GRID1: variants seen among roughly 807,000 people sequenced by gnomAD.
GRID1 encodes the protein glutamate ionotropic receptor delta type subunit 1.
A neutral mutation model predicts 98.0 loss-of-function variants in GRID1; 28 were observed. The observed-to-expected ratio is 0.29, with a 90% CI of 0.21 to 0.39. The LOEUF is 0.39. Among genes scored for constraint, GRID1 ranks in the 10% least tolerant of loss-of-function variants. GRID1 has a pLI of 1.00. For synonymous variants in GRID1, 553 were observed against 538.5 expected (o/e 1.03, Z -0.37); for missense variants, 1,111 against 1,340.5 (o/e 0.83, Z 2.67).
intron 2 of GRID1, among the ~76,000 whole-genome samples, chr10:86,322,994 C>T (rs1847992491): frequency 6.6e-6 from 1 of 151,612 alleles, no homozygotes; most frequent in African/African-American, 2.4e-5. Context: ...CCTTGGGATG[C>T]CGAGGCAGGA....
At chr10:85,856,849 A>G (rs1435241043) in intron 6 of GRID1, among the ~76,000 whole-genome samples, 1 of 152,244 alleles carries the variant, frequency 6.6e-6, no homozygotes, top group Non-Finnish European at 1.5e-5. Context: ...AAGCAGTTCA[A>G]GACGACTGTG....
intron 14 of GRID1, among the ~76,000 whole-genome samples, chr10:85,618,120 G>A (rs567044110): frequency 1.3e-5 from 2 of 152,306 alleles, no homozygotes; most frequent in East Asian, 1.9e-4. Flanking sequence ...GCCAAGACCC[G>A]GGTTCCTGGA....
chr10:85,709,576 G>T (rs376977498), intron 12 of GRID1, among the ~76,000 whole-genome samples: 6 of 152,158 alleles, frequency 3.9e-5, no homozygotes, highest in Non-Finnish European at 8.8e-5. Context: ...CAATTAATTT[G>T]TGTGAATAGC....
intron 2 of GRID1, among the ~76,000 whole-genome samples, chr10:86,255,611 C>G (rs1340667669): frequency 6.6e-6 from 1 of 152,230 alleles, no homozygotes; most frequent in East Asian, 1.9e-4. Flanking sequence ...GCCCGGTGCC[C>G]AGCCTTGTGG....
intron 12 of GRID1, among the ~76,000 whole-genome samples, chr10:85,657,663 T>A (rs184449821): frequency 6.6e-6 from 1 of 152,308 alleles, no homozygotes; most frequent in African/African-American, 2.4e-5. Flanking sequence ...ACCAAAGAAC[T>A]GTGGCCCTGA....
chr10:86,216,970 A>G (rs1846185554), intron 2 of GRID1, among the ~76,000 whole-genome samples: 1 of 152,120 alleles, frequency 6.6e-6, no homozygotes, highest in Non-Finnish European at 1.5e-5. Context: ...GAAAAAGAGG[A>G]TAAGGTTATG....
intron 3 of GRID1, among the ~76,000 whole-genome samples, chr10:86,160,882 G>C (rs980949614): frequency 6.6e-6 from 1 of 152,218 alleles, no homozygotes; most frequent in Non-Finnish European, 1.5e-5. Context: ...CTCTTAAAAC[G>C]GTATAGCCCA....
At chr10:85,813,462 G>GA (rs34014297) in intron 8 of GRID1, among the ~76,000 whole-genome samples, 19,476 of 134,086 alleles carry the variant, frequency 0.15, 1,365 homozygotes, top group African/African-American at 0.2. Context: ...GTGAAACGCT[G>GA]AAAAAAAAAA....
intron 13 of GRID1, among the ~76,000 whole-genome samples, chr10:85,639,758 C>T (rs181362334): frequency 1.6e-3 from 238 of 152,102 alleles, no homozygotes; most frequent in African/African-American, 5.5e-3. Context: ...CTGTAATCCC[C>T]GCTACTTGGG....
chr10:86,339,623 C>A (rs1044994178), intron 2 of GRID1, among the ~76,000 whole-genome samples: 3 of 152,200 alleles, frequency 2.0e-5, no homozygotes, highest in Non-Finnish European at 2.9e-5. Context: ...AGTGAGGAGG[C>A]CAGCTGCACC....
At chr10:86,262,266 C>T (rs546075167) in intron 2 of GRID1, among the ~76,000 whole-genome samples, 1 of 152,352 alleles carries the variant, frequency 6.6e-6, no homozygotes, top group South Asian at 2.1e-4. Context: ...CTCCTGGAGG[C>T]AATGGCTGTC....
chr10:86,103,043 C>G (rs553463609), intron 4 of GRID1, among the ~76,000 whole-genome samples: 31 of 152,302 alleles, frequency 2.0e-4, no homozygotes, highest in Non-Finnish European at 3.5e-4. Context: ...TGAGGCCTCC[C>G]TAGCCATGTG....
chr10:86,149,498 G>A lies in GRID1; in HGVS notation c.521-10474C>T, dbSNP rs540803291. ...TGGGGCACTAACAATGGAAGGCTTC[G>A]GCTAATCCCACCACATTCCAATTTC... On this transcript the variant is annotated intron_variant, in intron 3 of 15. Coordinates refer to ENST00000327946, the MANE Select transcript of GRID1 (RefSeq NM_017551.3). 7.2e-5 allele frequency among the ~76,000 whole-genome samples: 11 copies of A among 152,242 alleles called. No individual in the cohort carries two copies. In the South Asian group the frequency reaches 1.0e-3, roughly 14 times the overall value.
intron 13 of GRID1, among the ~76,000 whole-genome samples, chr10:85,643,578 CGAA>C (rs1843149474): frequency 6.6e-6 from 1 of 151,966 alleles, no homozygotes; most frequent in Admixed American, 6.6e-5. Flanking sequence ...AACAGGCACA[CGAA>C]GAAGGAGGAT....
intron 8 of GRID1, among the ~76,000 whole-genome samples, chr10:85,735,782 GAAGGA>G (rs1841873725): frequency 6.6e-6 from 1 of 151,692 alleles, no homozygotes; most frequent in Non-Finnish European, 1.5e-5. Context: ...CCTGCGAAGG[GAAGGA>G]GAGAGGAAGG....
At chr10:85,679,328 C>T (rs949721785) in intron 12 of GRID1, among the ~76,000 whole-genome samples, 1 of 152,230 alleles carries the variant, frequency 6.6e-6, no homozygotes, top group African/African-American at 2.4e-5. Flanking sequence ...TGTCTGAGCC[C>T]TCCTGATTTC....
At chr10:85,677,766 A>C (rs1590186244) in intron 12 of GRID1, among the ~76,000 whole-genome samples, 1 of 152,352 alleles carries the variant, frequency 6.6e-6, no homozygotes, top group South Asian at 2.1e-4. Flanking sequence ...GCAGTGAGTG[A>C]AAAGAGGAGT....
At chr10:85,697,956 C>T (rs2132618796) in intron 12 of GRID1, among the ~76,000 whole-genome samples, 1 of 152,194 alleles carries the variant, frequency 6.6e-6, no homozygotes, top group South Asian at 2.1e-4. Context: ...ATTTACAGTA[C>T]CCACTAACTT....
intron 4 of GRID1, among the ~76,000 whole-genome samples, chr10:86,052,084 C>T (rs978871193): frequency 2.0e-5 from 3 of 152,104 alleles, no homozygotes; most frequent in Admixed American, 1.3e-4. Flanking sequence ...GGCACATCTA[C>T]ACAATAAACT....
Sources: gnomAD v4.1 joint callset for allele counts (sites outside exome capture counted in the v4.1 genomes callset) on GRCh38, gnomAD v4.1.1 for gene constraint, MANE v1.5 for transcripts, NCBI Gene and HGNC (gene_info 2026-07-23, HGNC 2026-07-21) for gene names.